Variants in GCNT2 observed in about 807,000 individuals in gnomAD.
GCNT2 encodes the protein glucosaminyl (N-acetyl) transferase 2 (I blood group).
Under a neutral mutation model 34.2 loss-of-function variants are expected in GCNT2, and 34 were observed. The observed-to-expected ratio is 1.00, with a 90% CI of 0.76 to 1.32. The LOEUF (loss-of-function observed/expected upper bound fraction) is 1.32. GCNT2 is among the 40% of genes most tolerant of loss of function. The pLI, the probability that GCNT2 is intolerant of heterozygous loss-of-function variation, is 0.00. For missense variants in GCNT2, 584 were observed against 489.4 expected (o/e 1.19, Z -1.82); for synonymous variants, 212 against 188.0 (o/e 1.13, Z -1.04).
chr6:10,611,529 C>T (rs1474556241), intron 3 of GCNT2, among the ~76,000 whole-genome samples: 1 of 151,908 alleles, frequency 6.6e-6, no homozygotes, highest in African/African-American at 2.4e-5. Context: ...CGGGGTTTCA[C>T]CATGTTGGCC....
chr6:10,557,494 T>C (rs1004977915), intron 3 of GCNT2: 1 of 161,028 alleles, frequency 6.2e-6, no homozygotes, highest in Non-Finnish European at 1.2e-5. Flanking sequence ...AAAGATGTTC[T>C]TTTTTTTTTT....
At chr6:10,569,860 T>C (rs997338395) in intron 3 of GCNT2, among the ~76,000 whole-genome samples, 16 of 116,588 alleles carry the variant, frequency 1.4e-4, no homozygotes, top group Admixed American at 8.8e-4. Flanking sequence ...TCTTTCTTTC[T>C]CTTTCTTTCT....
At chr6:10,614,847 G>A (rs559925477) in intron 3 of GCNT2, among the ~76,000 whole-genome samples, 1 of 152,066 alleles carries the variant, frequency 6.6e-6, no homozygotes. Context: ...ATGGACGCGC[G>A]TTCATTCCTT....
At chr6:10,586,739 G>A (rs932266222) in intron 3 of GCNT2, 1 of 1,613,830 alleles carries the variant, frequency 6.2e-7, no homozygotes, top group Non-Finnish European at 8.5e-7. Context: ...CTAATATTTT[G>A]AAAACTTCAC....
intron 1 of GCNT2, among the ~76,000 whole-genome samples, chr6:10,525,003 A>C (rs935577542): frequency 3.9e-5 from 6 of 152,118 alleles, no homozygotes; most frequent in Non-Finnish European, 8.8e-5. Flanking sequence ...TAATTTGGGC[A>C]CACAGGTGAT....
rs140659150 is a variant in GCNT2 at position 10,566,586 on chromosome 6, G to A, written c.925+36750G>A. 4.0e-4 allele frequency among the ~76,000 whole-genome samples: 61 copies of A among 152,290 alleles called. No homozygotes were observed. In the East Asian group the frequency reaches 0.011, roughly 27 times the overall value. On this transcript the variant is annotated intron_variant, in intron 3 of 4. Coordinates refer to ENST00000495262, the MANE Select transcript of GCNT2 (RefSeq NM_145649.5). The stretch of plus-strand genomic sequence containing the variant: ...TGGGATTATAGGCATGAGCCACTGC[G>A]CCCAACCATATCAGTTTTGCAGTGC...
intron 3 of GCNT2, among the ~76,000 whole-genome samples, chr6:10,580,929 G>A (rs1056888744): frequency 2.6e-5 from 4 of 152,168 alleles, no homozygotes; most frequent in Non-Finnish European, 5.9e-5. Flanking sequence ...GTTTGTGACC[G>A]TAAAAGTTAT....
Position 10,529,124 on chromosome 6 carries a change from A to C in GCNT2, c.213A>C (p.Glu71Asp), listed in dbSNP as rs1761344472. 1 of 1,613,964 alleles carries C rather than the reference A, an allele frequency of 6.2e-7. No homozygotes were observed. Among genetic ancestry groups the C allele is most frequent in the Non-Finnish European group, 8.5e-7 (1 of 1,179,962 alleles). ...ATGCATTGAAAACTACCCTTGATGA[A>C]GCTACCTGCTATGAGTACATGGTTC... ...TENALKTTLD[E>D]ATCYEYMVRS... The change falls in exon 3 of 5, where the codon GAA becomes GAC. Residue 71 changes from glutamate (E) to aspartate (D), a missense_variant. Glu to Asp is a conservative substitution (Grantham distance 45, BLOSUM62 2). Coordinates refer to ENST00000495262, the MANE Select transcript of GCNT2 (RefSeq NM_145649.5).
chr6:10,554,617 T>C (rs1372978731), intron 3 of GCNT2, among the ~76,000 whole-genome samples: 1 of 152,224 alleles, frequency 6.6e-6, no homozygotes, highest in Non-Finnish European at 1.5e-5. Flanking sequence ...ATTACTCTCT[T>C]TTGTTTAGGA....
intron 1 of GCNT2, among the ~76,000 whole-genome samples, chr6:10,525,075 G>A (rs1761122326): frequency 6.6e-6 from 1 of 152,096 alleles, no homozygotes; most frequent in African/African-American, 2.4e-5. Context: ...GAATAATTAA[G>A]GTGAGGATGA....
chr6:10,557,646 C>G (rs931218715), intron 3 of GCNT2, among the ~76,000 whole-genome samples: 1 of 152,034 alleles, frequency 6.6e-6, no homozygotes, highest in Admixed American at 6.6e-5. Flanking sequence ...CACCACCATA[C>G]TGGGCTAATT....
At chr6:10,527,003 G>C (rs970717919) in intron 1 of GCNT2, among the ~76,000 whole-genome samples, 1 of 152,026 alleles carries the variant, frequency 6.6e-6, no homozygotes, top group African/African-American at 2.4e-5. Flanking sequence ...AGATACATTG[G>C]AAAAATTAGG....
In GCNT2 at chr6:10,602,054, C is replaced by T. The variant is rs1022824426; in HGVS notation, c.926-19297C>T. Among the ~76,000 whole-genome samples, 7 of 152,068 alleles carry T rather than the reference C, an allele frequency of 4.6e-5. No homozygotes were observed. The East Asian group carries it at 5.8e-4, about 13-fold the overall frequency. ...TCAGCCCTAGGCAGAGGAGAGGGTA[C>T]GAGGGCAAACCACTGAAGAGGCCAA... On this transcript the variant is annotated intron_variant, in intron 3 of 4. Transcript: ENST00000495262.
intron 3 of GCNT2, among the ~76,000 whole-genome samples, chr6:10,562,656 G>GAAAAAAAAAAAAAAAAA (rs57868433): frequency 2.6e-5 from 2 of 77,524 alleles, no homozygotes; most frequent in Non-Finnish European, 5.4e-5. Flanking sequence ...GAACTTCTCT[G>GAAAAAAAAAAAAAAAAA]AAAAAAAAAA....
At chr6:10,556,043 C>CG (rs1762684569) in intron 3 of GCNT2, 7 of 1,082,992 alleles carry the variant, frequency 6.5e-6, no homozygotes, top group Non-Finnish European at 8.0e-6. Context: ...AACCAGGGGG[C>CG]GGGGGTGGCA....
At chr6:10,571,488 G>A (rs887377890) in intron 3 of GCNT2, among the ~76,000 whole-genome samples, 1 of 152,056 alleles carries the variant, frequency 6.6e-6, no homozygotes, top group Non-Finnish European at 1.5e-5. Context: ...GAGTAACTAG[G>A]ATTACAGGCG....
intron 3 of GCNT2, among the ~76,000 whole-genome samples, chr6:10,573,921 A>G (rs762805278): frequency 5.3e-5 from 8 of 152,216 alleles, no homozygotes; most frequent in Non-Finnish European, 1.0e-4. Flanking sequence ...CCCTGCACAC[A>G]CAGCCATGCT....
At position 10,523,779 on chromosome 6, in the gene GCNT2, T is replaced by C. The variant is rs185708713; in HGVS notation, c.-469+2362T>C. Among the ~76,000 whole-genome samples, 350 of 152,110 alleles carry C rather than the reference T, an allele frequency of 2.3e-3. 5 individuals are homozygous for C. Among genetic ancestry groups the C allele is most frequent in the African/African-American group, 8.0e-3 (334 of 41,508 alleles). The stretch of plus-strand genomic sequence containing the variant: ...CGAGGTCAGGAGATCGAGACCATCC[T>C]GGCTAACACGGTGAAACCCCGTCTC... On this transcript the variant is annotated intron_variant, in intron 1 of 4. Coordinates refer to ENST00000495262, the MANE Select transcript of GCNT2 (RefSeq NM_145649.5).
At chr6:10,609,258 G>A (rs932883042) in intron 3 of GCNT2, among the ~76,000 whole-genome samples, 2 of 152,216 alleles carry the variant, frequency 1.3e-5, no homozygotes, top group South Asian at 2.1e-4. Context: ...CACAGCAGTG[G>A]CATCTGGTGA....
Sources: gnomAD v4.1 joint callset for allele counts (sites outside exome capture counted in the v4.1 genomes callset) on GRCh38, gnomAD v4.1.1 for gene constraint, MANE v1.5 for transcripts, NCBI Gene and HGNC (gene_info 2026-07-23, HGNC 2026-07-21) for gene names.